JPH3: variants seen among roughly 807,000 people sequenced by gnomAD.
JPH3 encodes the protein junctophilin-3.
A neutral mutation model predicts 59.6 loss-of-function variants in JPH3; 11 were observed. The ratio of observed to expected loss-of-function variants is 0.18; its 90% CI spans 0.12 to 0.31. JPH3 has a LOEUF of 0.31. Among genes scored for constraint, JPH3 ranks in the 10% least tolerant of loss-of-function variants. The probability of loss-of-function intolerance (pLI) is 1.00; values close to 1 mark genes in which losing one functional copy is unlikely to be tolerated. For missense variants in JPH3, 1,202 were observed against 1,105.7 expected (o/e 1.09, Z -1.24); for synonymous variants, 673 against 483.6 (o/e 1.39, Z -5.14).
At chr16:87,639,643 C>T (rs1264188414) in intron 1 of JPH3, among the ~76,000 whole-genome samples, 1 of 148,762 alleles carries the variant, frequency 6.7e-6, no homozygotes, top group African/African-American at 2.5e-5. Context: ...TGGCCTCCCG[C>T]CTGTCCTCCC....
intron 2 of JPH3, among the ~76,000 whole-genome samples, chr16:87,656,010 G>A (rs1414015612): frequency 1.3e-5 from 2 of 152,256 alleles, no homozygotes; most frequent in African/African-American, 4.8e-5. Flanking sequence ...CTGCGTGGCA[G>A]TGGAGCCTCG....
chr16:87,676,253 G>C (rs75115235), intron 2 of JPH3, among the ~76,000 whole-genome samples: 1,862 of 152,330 alleles, frequency 0.012, 37 homozygotes, highest in African/African-American at 0.043. Flanking sequence ...GACCTTGTTT[G>C]TGTCTCCCTT....
chr16:87,658,584 C>T (rs2032588696), intron 2 of JPH3, among the ~76,000 whole-genome samples: 1 of 152,112 alleles, frequency 6.6e-6, no homozygotes. Flanking sequence ...ATCTCTTCAC[C>T]TGTGAATTCC....
At chr16:87,643,417 T>G (rs1393528200) in intron 1 of JPH3, among the ~76,000 whole-genome samples, 1 of 152,054 alleles carries the variant, frequency 6.6e-6, no homozygotes, top group African/African-American at 2.4e-5. Context: ...TCTGCTGATT[T>G]TATGTCTGAA....
intron 1 of JPH3, among the ~76,000 whole-genome samples, chr16:87,631,576 C>G (rs931005786): frequency 1.3e-5 from 2 of 152,262 alleles, no homozygotes; most frequent in African/African-American, 4.8e-5. Flanking sequence ...GGTTGGGTGT[C>G]TCTCCCCTCA....
Position 87,689,831 on chromosome 16 carries a change from G to T in JPH3, c.1471G>T (p.Ala491Ser), listed in dbSNP as rs763483232. Residue 491 changes from alanine to serine, a missense_variant, in exon 4 of 5, where the codon GCG becomes TCG. Transcript: ENST00000284262. ...PTSPAATPPP[A>S]PAARNKVAHF... ...CAGCCCCGCGGCCACCCCGCCGCCCGCGCCCGCCGCCAGGAACAAGGTCGC... is the reference window on the plus strand; with the variant it reads ...CAGCCCCGCGGCCACCCCGCCGCCCTCGCCCGCCGCCAGGAACAAGGTCGC... 6 of 1,547,536 alleles carry T rather than the reference G, an allele frequency of 3.9e-6. No individual in the cohort carries two copies. The African/African-American group carries it at 6.8e-5, about 18-fold the overall frequency.
intron 4 of JPH3, chr16:87,695,883 G>A (rs1385042918): frequency 2.2e-6 from 1 of 456,072 alleles, no homozygotes; most frequent in East Asian, 7.0e-5. Flanking sequence ...CCCAGGCTGT[G>A]CGGCTGAAGG....
chr16:87,606,740 A>G (rs536304239), intron 1 of JPH3, among the ~76,000 whole-genome samples: 33 of 152,214 alleles, frequency 2.2e-4, no homozygotes, highest in Admixed American at 4.6e-4. Flanking sequence ...TTTTTTCATT[A>G]CAGTTTCCAG....
At chr16:87,667,812 G>GT (rs2032910399) in intron 2 of JPH3, among the ~76,000 whole-genome samples, 1 of 150,682 alleles carries the variant, frequency 6.6e-6, no homozygotes, top group African/African-American at 2.4e-5. Context: ...GTTTTTGTTT[G>GT]TTTTGTTTTG....
intron 4 of JPH3, chr16:87,694,233 TGGTG>T (rs2033708225): frequency 6.6e-6 from 1 of 152,158 alleles, no homozygotes; most frequent in Admixed American, 6.6e-5. Flanking sequence ...GGCGAGGGTG[TGGTG>T]GGTTCTGAGT....
intron 1 of JPH3, among the ~76,000 whole-genome samples, chr16:87,610,834 C>T (rs570475755): frequency 4.5e-4 from 69 of 152,240 alleles, no homozygotes; most frequent in African/African-American, 1.6e-3. Context: ...CATTTTTGGA[C>T]CACGATTTAA....
At chr16:87,671,679 C>T (rs2033019478) in intron 2 of JPH3, among the ~76,000 whole-genome samples, 1 of 151,826 alleles carries the variant, frequency 6.6e-6, no homozygotes, top group African/African-American at 2.4e-5. Context: ...CACCCGGGCT[C>T]CCAGTGCTGG....
intron 1 of JPH3, among the ~76,000 whole-genome samples, chr16:87,639,506 C>T (rs2031867658): frequency 1.3e-5 from 2 of 152,210 alleles, no homozygotes; most frequent in South Asian, 2.1e-4. Flanking sequence ...TAAGCACATT[C>T]ACGCTGTTCA....
intron 1 of JPH3, among the ~76,000 whole-genome samples, chr16:87,614,462 G>C (rs1344247216): frequency 8.1e-6 from 1 of 123,968 alleles, no homozygotes; most frequent in Non-Finnish European, 1.7e-5. Flanking sequence ...CCCAGGATAA[G>C]TGCTGGTCCC....
At chr16:87,615,560 T>G (rs1194852462) in intron 1 of JPH3, among the ~76,000 whole-genome samples, 2 of 152,120 alleles carry the variant, frequency 1.3e-5, no homozygotes, top group African/African-American at 4.8e-5. Context: ...ATTTTCCAGA[T>G]GGGAAGCAGG....
intron 2 of JPH3, among the ~76,000 whole-genome samples, chr16:87,677,001 T>C (rs2033157056): frequency 6.6e-6 from 1 of 151,270 alleles, no homozygotes; most frequent in South Asian, 2.1e-4. Flanking sequence ...CTACTAAGAA[T>C]ACAAAAAATT....
intron 1 of JPH3, chr16:87,605,076 C>A: frequency 2.6e-6 from 1 of 388,018 alleles, no homozygotes; most frequent in Non-Finnish European, 5.3e-6. Context: ...TCCAGCTGGG[C>A]TGTTTGGAGC....
chr16:87,676,544 G>A (rs1457563330), intron 2 of JPH3, among the ~76,000 whole-genome samples: 2 of 151,674 alleles, frequency 1.3e-5, no homozygotes, highest in Admixed American at 1.3e-4. Flanking sequence ...GATCATCTTG[G>A]CCAACGTGGT....
At chr16:87,677,158 TAC>T (rs1257368124) in intron 2 of JPH3, among the ~76,000 whole-genome samples, 1 of 139,288 alleles carries the variant, frequency 7.2e-6, no homozygotes, top group Non-Finnish European at 1.5e-5. Flanking sequence ...GACTCCATTA[TAC>T]ACACACACAC....
Sources: allele counts gnomAD v4.1 joint callset (sites outside exome capture counted in the v4.1 genomes callset), GRCh38; gene constraint gnomAD v4.1.1; transcripts MANE v1.5; gene names NCBI Gene and HGNC (gene_info 2026-07-23, HGNC 2026-07-21).